Variants in CELSR1 observed in about 807,000 individuals in gnomAD.
CELSR1 encodes cadherin EGF LAG seven-pass G-type receptor 1, also known as adhesion G protein-coupled receptor C1.
CELSR1 carries 110 observed loss-of-function variants against 249.1 expected under a neutral mutation model. That is an observed-to-expected ratio of 0.44 (90% confidence interval 0.38 to 0.52). The LOEUF (loss-of-function observed/expected upper bound fraction) is 0.52. Among genes scored for constraint, CELSR1 ranks in the 20% least tolerant of loss-of-function variants. CELSR1 has a pLI of 0.00. For synonymous variants in CELSR1, 2,113 were observed against 1,900.0 expected, an observed-to-expected ratio of 1.11 and a Z score of -2.92; for missense variants, 4,109 against 4,296.4, an observed-to-expected ratio of 0.96 and a Z score of 1.22.
rs1322878662 is a variant in CELSR1 at position 46,446,317 on chromosome 22, C to T, written c.4184-6906G>A. 6.6e-6 allele frequency among the ~76,000 whole-genome samples: 1 copy of T among 152,218 alleles called. No individual in the cohort carries two copies. Among genetic ancestry groups the T allele is most frequent in the Non-Finnish European group, 1.5e-5 (1 of 68,042 alleles). ...ATCCCCTGGCTGTACCTGTCCTCTG[C>T]CTCGAGCACTCTCCCTCTGGGGAAG... On this transcript the variant is annotated intron_variant, in intron 2 of 34. Transcript: ENST00000674500. This position sits in a 1 kb window ranked among gnomAD's most constrained non-coding sequence, Gnocchi z 5.5.
In CELSR1 at chr22:46,444,350, G is replaced by A. The variant is rs576545784; in HGVS notation, c.4184-4939C>T. Among the ~76,000 whole-genome samples the A allele has an allele frequency of 4.6e-5, 7 of 152,306 alleles. No homozygotes were observed. The South Asian group carries it at 1.2e-3, about 27-fold the overall frequency. On this transcript the variant is annotated intron_variant, in intron 2 of 34. Coordinates refer to ENST00000674500, the MANE Select transcript of CELSR1 (RefSeq NM_001378328.1). ...CCTGCTTCCAAATTTGATTTCTAGT[G>A]GCCCCCGATATCCTCAGGCTGCCCC...
rs146321329 is a variant in CELSR1, at chr22:46,509,953, A to C, written c.3544+23674T>G. The stretch of plus-strand genomic sequence containing the variant: ...CTGCCCGGCTCCACTCACAGGGCGC[A>C]GGTGACAAGGCTGGGGACTTCATGC... On this transcript the variant is annotated intron_variant, in intron 1 of 34. Coordinates refer to ENST00000674500, the MANE Select transcript of CELSR1 (RefSeq NM_001378328.1). 5.1e-3 allele frequency among the ~76,000 whole-genome samples: 783 copies of C among 152,326 alleles called. 7 individuals are homozygous for C. The highest frequency in any genetic ancestry group is 0.018 in the African/African-American group (732 of 41,574).
chr22:46,403,396 A>C (rs985469654), intron 9 of CELSR1, among the ~76,000 whole-genome samples: 1 of 150,916 alleles, frequency 6.6e-6, no homozygotes, highest in Non-Finnish European at 1.5e-5. Flanking sequence ...AAAATACAAA[A>C]AAAAAAAAAA....
At position 46,396,938 on chromosome 22, in the gene CELSR1, G is replaced by A. The variant is rs997470846; in HGVS notation, c.5702-192C>T. ...TTAGACTTAGTGATGCAGAGAGGAA[G>A]GCCTTCCCGGGCTGCCCCAAGGAGG... On this transcript the variant is annotated intron_variant, in intron 12 of 34. Transcript: ENST00000674500. This position sits in a 1 kb window ranked among gnomAD's most constrained non-coding sequence, Gnocchi z 6.4. Among the ~76,000 whole-genome samples, 7 of 152,138 alleles carry A rather than the reference G, an allele frequency of 4.6e-5. No homozygotes were observed. In the East Asian group the frequency reaches 1.3e-3, roughly 29 times the overall value.
At chr22:46,516,153 C>T (rs1345821515) in intron 1 of CELSR1, among the ~76,000 whole-genome samples, 1 of 152,176 alleles carries the variant, frequency 6.6e-6, no homozygotes, top group Non-Finnish European at 1.5e-5. Context: ...AAGACACATG[C>T]ACACGTATGT....
In CELSR1 at chr22:46,472,425, G is replaced by A. The variant is rs1387068908; in HGVS notation, c.3545-8080C>T. 4.6e-5 allele frequency among the ~76,000 whole-genome samples: 7 copies of A among 152,158 alleles called. 1 individual carries two copies. The highest frequency in any genetic ancestry group is 9.7e-5 in the African/African-American group (4 of 41,448). On this transcript the variant is annotated intron_variant, in intron 1 of 34. Transcript: ENST00000674500. This position sits in a 1 kb window ranked among gnomAD's most constrained non-coding sequence, Gnocchi z 7.0. ...CCCTCAGGGGACAGGGGACAGTGCC[G>A]CAGTTCCGAGACTCGGTGGCAGGTG...
intron 2 of CELSR1, among the ~76,000 whole-genome samples, chr22:46,460,541 G>A (rs1304010725): frequency 2.6e-5 from 4 of 152,198 alleles, no homozygotes; most frequent in Non-Finnish European, 5.9e-5. Flanking sequence ...GTCAGAGCCT[G>A]AGCAATTTAA....
intron 5 of CELSR1, among the ~76,000 whole-genome samples, chr22:46,421,883 C>A (rs1375766074): frequency 6.6e-6 from 1 of 152,218 alleles, no homozygotes; most frequent in Non-Finnish European, 1.5e-5. Flanking sequence ...TTTCACGCAG[C>A]CACGGAACAC....
chr22:46,418,003 A>G (rs2147363699), intron 5 of CELSR1, among the ~76,000 whole-genome samples: 1 of 152,358 alleles, frequency 6.6e-6, no homozygotes, highest in African/African-American at 2.4e-5. Context: ...GCATGCCAGG[A>G]CTTGGCTGTA....
intron 1 of CELSR1, among the ~76,000 whole-genome samples, chr22:46,486,798 G>C (rs141096124): frequency 2.7e-5 from 4 of 148,412 alleles, no homozygotes; most frequent in Non-Finnish European, 4.5e-5. Flanking sequence ...AGCGGAGATC[G>C]TGCCACTGCA....
chr22:46,457,605 C>T (rs910559893), intron 2 of CELSR1, among the ~76,000 whole-genome samples: 1 of 152,222 alleles, frequency 6.6e-6, no homozygotes, highest in Admixed American at 6.5e-5. Flanking sequence ...AAGACGAAGA[C>T]GCTACCGTGA....
At position 46,398,737 on chromosome 22, in the gene CELSR1, C is replaced by A; in HGVS notation, c.5413-100G>T. The A allele has an allele frequency of 2.3e-6, 2 of 882,198 alleles. No homozygotes were observed. The highest frequency in any genetic ancestry group is 1.7e-5 in the South Asian group (1 of 57,480). The allele number at this position is 882,198 out of a possible 1,614,324, so 54.6% of individuals were successfully genotyped here. On this transcript the variant is annotated intron_variant, in intron 10 of 34. Transcript: ENST00000674500. The surrounding 1 kb of genome is among the most constrained non-coding windows in gnomAD (Gnocchi z 7.2). ...ACACTGGAAGTCTAAACAGTCACTT[C>A]AACAAACTCCGCAGAGCCTGAGGAC...
Position 46,407,842 on chromosome 22 carries a change from C to G in CELSR1, c.5226+1154G>C, listed in dbSNP as rs536058842. Among the ~76,000 whole-genome samples the G allele has an allele frequency of 6.6e-6, 1 of 152,288 alleles. No homozygotes were observed. Among genetic ancestry groups the G allele is most frequent in the Non-Finnish European group, 1.5e-5 (1 of 68,030 alleles). On this transcript the variant is annotated intron_variant, in intron 9 of 34. Transcript: ENST00000674500. This position sits in a 1 kb window ranked among gnomAD's most constrained non-coding sequence, Gnocchi z 4.8. ...TGCCCAGTGAGTTTTCAGAGCTAGA[C>G]CCTGATCAGAAAGGGTCACAGCAGC...
chr22:46,478,230 C>T (rs565015677), intron 1 of CELSR1, among the ~76,000 whole-genome samples: 4 of 152,332 alleles, frequency 2.6e-5, no homozygotes, highest in African/African-American at 9.6e-5. Flanking sequence ...GGGGCATTCC[C>T]CTGCCAGCTG....
chr22:46,482,204 G>A (rs193226254), intron 1 of CELSR1, among the ~76,000 whole-genome samples: 16 of 152,316 alleles, frequency 1.1e-4, no homozygotes, highest in South Asian at 2.1e-4. Flanking sequence ...ACAGGGGCAC[G>A]GCCGCTCACC....
chr22:46,434,291 G>A lies in CELSR1; in HGVS notation c.4523-810C>T, dbSNP rs531039464. On this transcript the variant is annotated intron_variant, in intron 4 of 34. Transcript: ENST00000674500. The surrounding 1 kb of genome is among the most constrained non-coding windows in gnomAD (Gnocchi z 4.9). Reference sequence around the variant, plus strand: ...GAGCTCCTGCTGGAGTGGGGCGGGCGAGTCCCTTTGGGGATTCTGGGGCAC... The same window carrying A: ...GAGCTCCTGCTGGAGTGGGGCGGGCAAGTCCCTTTGGGGATTCTGGGGCAC... Among the ~76,000 whole-genome samples the A allele has an allele frequency of 8.5e-5, 13 of 152,318 alleles. No homozygotes were observed. The highest frequency in any genetic ancestry group is 2.9e-4 in the African/African-American group (12 of 41,568).
intron 2 of CELSR1, 143 bp downstream of exon 2, chr22:46,463,564 G>A: frequency 1.3e-6 from 1 of 772,984 alleles, no homozygotes; most frequent in Non-Finnish European, 1.9e-6. Flanking sequence ...TCATCTCAAG[G>A]TTCGTGGAGC....
At chr22:46,453,727 G>C (rs563128403) in intron 2 of CELSR1, among the ~76,000 whole-genome samples, 5 of 152,168 alleles carry the variant, frequency 3.3e-5, no homozygotes, top group African/African-American at 1.2e-4. Flanking sequence ...GGCTCAATTC[G>C]GACTCTCCAG....
At chr22:46,439,457 C>T (rs540819954) in intron 2 of CELSR1, 46 bp from the exon 3 acceptor site, 2 of 1,526,730 alleles carry the variant, frequency 1.3e-6, no homozygotes, top group East Asian at 4.8e-5. Context: ...ACCGACCAGC[C>T]AGGGAAAAGC....
Sources: gnomAD v4.1 joint callset for allele counts (sites outside exome capture counted in the v4.1 genomes callset) on GRCh38, gnomAD v4.1.1 for gene constraint, Gnocchi (gnomAD v3.1) non-coding constraint, MANE v1.5 for transcripts, NCBI Gene and HGNC (gene_info 2026-07-23, HGNC 2026-07-21) for gene names.